OXNAD1: variants seen among roughly 807,000 people sequenced by gnomAD.
OXNAD1 encodes the protein oxidoreductase NAD-binding domain-containing protein 1.
In OXNAD1, 34 loss-of-function variants were observed where a neutral mutation model predicts 32.9. The ratio of observed to expected loss-of-function variants is 1.03; its 90% CI spans 0.79 to 1.38. The LOEUF (loss-of-function observed/expected upper bound fraction) is 1.38. OXNAD1 is among the 40% of genes most tolerant of loss of function. The pLI is 0.00. For synonymous variants in OXNAD1, 134 were observed against 135.2 expected, an observed-to-expected ratio of 0.99 and a Z score of 0.06; for missense variants, 407 against 379.4, an observed-to-expected ratio of 1.07 and a Z score of -0.60.
intron 5 of OXNAD1, among the ~76,000 whole-genome samples, chr3:16,291,388 A>G (rs2066416855): frequency 6.6e-6 from 1 of 152,252 alleles, no homozygotes; most frequent in Admixed American, 6.5e-5. Context: ...TATCCCAGAA[A>G]GAAACTCTGT....
In OXNAD1 at chr3:16,312,811, G is replaced by A. The variant is rs2068062169; in HGVS notation, c.*30+9219G>A. ...TGTTTTTGGAAGCTGCTCCCATCAA[G>A]CATCAGCAACTCTAGTGAAGCATGG... On this transcript the variant is annotated intron_variant, in intron 9 of 9. Coordinates refer to the OXNAD1 transcript ENST00000435829. The surrounding 1 kb of genome is among the most constrained non-coding windows in gnomAD (Gnocchi z 4.7). Among the ~76,000 whole-genome samples the A allele has an allele frequency of 6.6e-6, 1 of 152,170 alleles. No homozygotes were observed. The highest frequency in any genetic ancestry group is 1.5e-5 in the Non-Finnish European group (1 of 68,026).
Position 16,320,737 on chromosome 3 carries a change from ACTGGAGGCCACAGAGGAG to A in OXNAD1, c.*31-16359_*31-16342del, listed in dbSNP as rs568481299. ...TCCTTGGCAGAGGGGACACGGAAGA[ACTGGAGGCCACAGAGGAG>A]CTGGAGGCCACAGAGAATGGGAGGC... On this transcript the variant is annotated intron_variant, in intron 9 of 9. Coordinates refer to the OXNAD1 transcript ENST00000435829. This position sits in a 1 kb window ranked among gnomAD's most constrained non-coding sequence, Gnocchi z 4.5. 5.2e-4 allele frequency among the ~76,000 whole-genome samples: 79 copies of A among 152,334 alleles called. No homozygotes were observed. Among genetic ancestry groups the A allele is most frequent in the Non-Finnish European group, 7.2e-4 (49 of 68,018 alleles).
chr3:16,313,718 G>A (rs1405514225), intron 9 of OXNAD1: 1 of 152,078 alleles, frequency 6.6e-6, no homozygotes, highest in East Asian at 1.9e-4. Flanking sequence ...ATGTAGACTG[G>A]GTCTAGTTAG....
chr3:16,305,156 T>G lies in OXNAD1; in HGVS notation c.*1594T>G, dbSNP rs1258424544. 6.6e-6 allele frequency: 1 copy of G among 152,330 alleles called. No homozygotes were observed. Among genetic ancestry groups the G allele is most frequent in the Admixed American group, 6.5e-5 (1 of 15,272 alleles). 9.4% of individuals were successfully genotyped at this position (152,330 alleles called of 1,614,324 possible). Reference sequence around the variant, plus strand: ...ATGATGAGATGCAAGGATGTGGGATTATCAAGGGGCACGTCTACTAACTGG... The same window carrying G: ...ATGATGAGATGCAAGGATGTGGGATGATCAAGGGGCACGTCTACTAACTGG... On this transcript the variant is annotated 3_prime_UTR_variant, in exon 9 of 9. Transcript: ENST00000285083. The surrounding 1 kb of genome is among the most constrained non-coding windows in gnomAD (Gnocchi z 4.5).
rs1232667454 is a variant in OXNAD1 at position 16,335,904 on chromosome 3, G to C, written c.*31-1208G>C. On this transcript the variant is annotated intron_variant, in intron 9 of 9. Coordinates refer to the OXNAD1 transcript ENST00000435829. This position sits in a 1 kb window ranked among gnomAD's most constrained non-coding sequence, Gnocchi z 4.7. ...GGAGGCCACAGGCAGGACTCCGCAG[G>C]AGGGAAGTGGCCGACAGCAAGGACT... 6.6e-6 allele frequency among the ~76,000 whole-genome samples: 1 copy of C among 152,254 alleles called. No individual in the cohort carries two copies. Among genetic ancestry groups the C allele is most frequent in the African/African-American group, 2.4e-5 (1 of 41,476 alleles).
chr3:16,317,215 G>A lies in OXNAD1; in HGVS notation c.*30+13623G>A. The A allele has an allele frequency of 6.2e-7, 1 of 1,612,548 alleles. No individual in the cohort carries two copies. Among genetic ancestry groups the A allele is most frequent in the Non-Finnish European group, 8.5e-7 (1 of 1,179,938 alleles). On this transcript the variant is annotated intron_variant, in intron 9 of 9. Coordinates refer to the OXNAD1 transcript ENST00000435829. This position sits in a 1 kb window ranked among gnomAD's most constrained non-coding sequence, Gnocchi z 4.3. The stretch of plus-strand genomic sequence containing the variant: ...TCTGCCTGTTGTGCATTTCTTCTCT[G>A]GAGAATCGCCACTGAAACTAGAAAT...
At chr3:16,292,281 C>G (rs2066485915) in intron 5 of OXNAD1, among the ~76,000 whole-genome samples, 1 of 151,034 alleles carries the variant, frequency 6.6e-6, no homozygotes, top group African/African-American at 2.4e-5. Flanking sequence ...TACCTCTGCT[C>G]CTGGGTTCGA....
In OXNAD1 at chr3:16,346,640, G is replaced by A. The variant is rs988274362; in HGVS notation, c.*31-2536G>A. On this transcript the variant is annotated intron_variant, in intron 9 of 9. Coordinates refer to the OXNAD1 transcript ENST00000606098. This position sits in a 1 kb window ranked among gnomAD's most constrained non-coding sequence, Gnocchi z 4.4. ...CCATGACTCTTGACAAGTGGCATGG[G>A]TCTGTGACTCAGTCCTGGCCAATGA... Among the ~76,000 whole-genome samples, 5 of 152,166 alleles carry A rather than the reference G, an allele frequency of 3.3e-5. No homozygotes were observed. Among genetic ancestry groups the A allele is most frequent in the Admixed American group, 2.6e-4 (4 of 15,280 alleles).
rs2071909460 is a variant in OXNAD1 at position 16,348,912 on chromosome 3, A to G, written c.*31-264A>G. Among the ~76,000 whole-genome samples the G allele has an allele frequency of 6.6e-6, 1 of 152,356 alleles. No homozygotes were observed. Among genetic ancestry groups the G allele is most frequent in the South Asian group, 2.1e-4 (1 of 4,830 alleles). On this transcript the variant is annotated intron_variant, in intron 9 of 9. Coordinates refer to the OXNAD1 transcript ENST00000606098. The surrounding 1 kb of genome is among the most constrained non-coding windows in gnomAD (Gnocchi z 6.3). ...CACACACATTTCAGAACACCCGAGC[A>G]AGTGGCTGCTGCCAAGGAGGAGGCA...
chr3:16,322,459 G>A lies in OXNAD1; in HGVS notation c.*31-14653G>A, dbSNP rs2069176420. Among the ~76,000 whole-genome samples the A allele has an allele frequency of 6.6e-6, 1 of 152,190 alleles. No homozygotes were observed. Among genetic ancestry groups the A allele is most frequent in the Admixed American group, 6.5e-5 (1 of 15,282 alleles). On this transcript the variant is annotated intron_variant, in intron 9 of 9. Coordinates refer to the OXNAD1 transcript ENST00000435829. This position sits in a 1 kb window ranked among gnomAD's most constrained non-coding sequence, Gnocchi z 6.2. ...GGAATGCAGGAGTGATGCCAGGAGT[G>A]AGGAGCCGAGCAGGTCAGGCAGGCC...
intron 6 of OXNAD1, among the ~76,000 whole-genome samples, chr3:16,295,551 C>T (rs896775210): frequency 1.3e-5 from 2 of 152,164 alleles, no homozygotes; most frequent in African/African-American, 4.8e-5. Flanking sequence ...TCAACACAAT[C>T]CTACAGAAGC....
At chr3:16,332,928 G>A (rs958260062) in intron 9 of OXNAD1, among the ~76,000 whole-genome samples, 6 of 152,098 alleles carry the variant, frequency 3.9e-5, no homozygotes, top group Non-Finnish European at 7.4e-5. Context: ...AGTGACTATT[G>A]AACCATTGCC....
chr3:16,313,344 C>G (rs1252104468), intron 9 of OXNAD1, among the ~76,000 whole-genome samples: 4 of 151,930 alleles, frequency 2.6e-5, no homozygotes, highest in Non-Finnish European at 2.9e-5. Context: ...CACCCAGCCT[C>G]ATGGTCCATC....
At position 16,322,102 on chromosome 3, in the gene OXNAD1, TG is replaced by T. The variant is rs1214348002; in HGVS notation, c.*31-15009del. On this transcript the variant is annotated intron_variant, in intron 9 of 9. Transcript: ENST00000435829. This position sits in a 1 kb window ranked among gnomAD's most constrained non-coding sequence, Gnocchi z 6.2. ...ACTTGCTGAATGCATGCAGTTCCCG[TG>T]AGCCTGTGGCTGAGCTGAAACTGAC... Among the ~76,000 whole-genome samples the T allele has an allele frequency of 6.6e-6, 1 of 152,244 alleles. No homozygotes were observed. Among genetic ancestry groups the T allele is most frequent in the Non-Finnish European group, 1.5e-5 (1 of 68,050 alleles).
chr3:16,313,487 T>C (rs1163290503), intron 9 of OXNAD1: 1 of 152,144 alleles, frequency 6.6e-6, no homozygotes, highest in Non-Finnish European at 1.5e-5. Context: ...GTAGAGGATA[T>C]ACTTCCATGG....
downstream of OXNAD1, among the ~76,000 whole-genome samples, chr3:16,307,905 AGTTT>A (rs201984105): frequency 0.018 from 2,806 of 152,308 alleles, 49 homozygotes; most frequent in Middle Eastern, 0.048. Flanking sequence ...ATTAAAGCAC[AGTTT>A]GTTCTGTTTT....
rs776844451 is a variant in OXNAD1, at chr3:16,302,451, A to G, written c.676-189A>G. Among the ~76,000 whole-genome samples, 6 of 152,234 alleles carry G rather than the reference A, an allele frequency of 3.9e-5. No individual in the cohort carries two copies. Among genetic ancestry groups the G allele is most frequent in the African/African-American group, 1.2e-4 (5 of 41,456 alleles). ...TGCTTGTTAGCATATTCAGATTTCA[A>G]TTAAAGCCAAATAGCCCTCTGTAGT... On this transcript the variant is annotated intron_variant, in intron 7 of 8. Transcript: ENST00000285083. This position sits in a 1 kb window ranked among gnomAD's most constrained non-coding sequence, Gnocchi z 4.2.
In OXNAD1 at chr3:16,317,075, C is replaced by T; in HGVS notation, c.*30+13483C>T. ...GGAGACTCCACCCTCCTGCTGCTGT[C>T]CTGAAACACAGTTTCCCATGTCTCC... On this transcript the variant is annotated intron_variant, in intron 9 of 9. Coordinates refer to the OXNAD1 transcript ENST00000435829. This position sits in a 1 kb window ranked among gnomAD's most constrained non-coding sequence, Gnocchi z 4.3. The T allele has an allele frequency of 6.2e-7, 1 of 1,613,882 alleles. No individual in the cohort carries two copies.
At chr3:16,306,186 TTCTC>T (rs1173250213), downstream of OXNAD1, 1 of 152,206 alleles carries the variant, frequency 6.6e-6, no homozygotes, top group Non-Finnish European at 1.5e-5. Context: ...ATTTGTATCT[TTCTC>T]AGATTTTATT....
Sources: gnomAD v4.1 joint callset for allele counts (sites outside exome capture counted in the v4.1 genomes callset) on GRCh38, gnomAD v4.1.1 for gene constraint, Gnocchi (gnomAD v3.1) non-coding constraint, MANE v1.5 for transcripts, NCBI Gene and HGNC (gene_info 2026-07-23, HGNC 2026-07-21) for gene names.